The following PPP1R9A variants were observed in gnomAD, a reference collection of about 807,000 sequenced individuals.
PPP1R9A encodes protein phosphatase 1 regulatory subunit 9A.
Under a neutral mutation model 141.9 loss-of-function variants are expected in PPP1R9A, and 59 were observed. That is an observed-to-expected ratio of 0.42 (90% CI 0.34 to 0.52). The LOEUF is 0.52. Ranked by LOEUF, PPP1R9A falls within the 20% of genes least tolerant of loss-of-function variation. The pLI is 0.10. For synonymous variants in PPP1R9A, 500 were observed against 569.7 expected, an observed-to-expected ratio of 0.88 and a Z score of 1.74; for missense variants, 1,444 against 1,611.9, an observed-to-expected ratio of 0.90 and a Z score of 1.78.
chr7:95,262,833 A>G (rs1185473117), intron 12 of PPP1R9A, among the ~76,000 whole-genome samples: 1 of 152,240 alleles, frequency 6.6e-6, no homozygotes, highest in Non-Finnish European at 1.5e-5. Flanking sequence ...CTCATACAAC[A>G]AAAGTTCAGA....
At chr7:95,016,460 C>A (rs1305266390) in intron 2 of PPP1R9A, among the ~76,000 whole-genome samples, 7 of 151,930 alleles carry the variant, frequency 4.6e-5, no homozygotes, top group South Asian at 2.1e-4. Context: ...ATGCAAGAAT[C>A]TTAACAGAAT....
intron 12 of PPP1R9A, among the ~76,000 whole-genome samples, chr7:95,265,931 C>A (rs1585538871): frequency 6.6e-6 from 1 of 152,066 alleles, no homozygotes; most frequent in Non-Finnish European, 1.5e-5. Context: ...GCAGTTTGCA[C>A]CTAGTCAGCT....
intron 8 of PPP1R9A, among the ~76,000 whole-genome samples, chr7:95,238,974 A>C (rs1797083395): frequency 6.6e-6 from 1 of 152,032 alleles, no homozygotes; most frequent in Non-Finnish European, 1.5e-5. Context: ...AATTGGGGAA[A>C]CTTTTTAATT....
At chr7:95,115,439 C>T (rs1034096984) in intron 3 of PPP1R9A, among the ~76,000 whole-genome samples, 2 of 152,022 alleles carry the variant, frequency 1.3e-5, no homozygotes, top group South Asian at 2.1e-4. Context: ...TTAAAGAATG[C>T]ATAAAGCCAG....
chr7:95,187,938 C>T (rs909453965), intron 5 of PPP1R9A, among the ~76,000 whole-genome samples: 7 of 151,878 alleles, frequency 4.6e-5, no homozygotes, highest in African/African-American at 1.5e-4. Flanking sequence ...GGTCTATCTT[C>T]GAGAATTTTC....
chr7:95,229,428 G>A (rs938423041), intron 8 of PPP1R9A, among the ~76,000 whole-genome samples: 1 of 151,948 alleles, frequency 6.6e-6, no homozygotes, highest in Non-Finnish European at 1.5e-5. Context: ...TGGAGGGCAC[G>A]GTGGGAGTGA....
At chr7:95,161,321 TC>T (rs1161790813) in intron 4 of PPP1R9A, among the ~76,000 whole-genome samples, 2 of 152,196 alleles carry the variant, frequency 1.3e-5, no homozygotes, top group Non-Finnish European at 2.9e-5. Context: ...TTGTATGTCT[TC>T]TTTTGGGAAA....
At chr7:95,194,205 C>T (rs905550094) in intron 5 of PPP1R9A, among the ~76,000 whole-genome samples, 10 of 151,884 alleles carry the variant, frequency 6.6e-5, no homozygotes, top group East Asian at 1.9e-4. Context: ...TATCATTAGA[C>T]GTAATTTCTG....
chr7:95,002,610 T>C (rs1314851924), intron 2 of PPP1R9A, among the ~76,000 whole-genome samples: 1 of 152,070 alleles, frequency 6.6e-6, no homozygotes, highest in Non-Finnish European at 1.5e-5. Context: ...TTGAAAAATA[T>C]TACCTGGCCT....
intron 2 of PPP1R9A, among the ~76,000 whole-genome samples, chr7:94,942,971 A>G (rs901021037): frequency 1.1e-4 from 16 of 152,122 alleles, no homozygotes; most frequent in African/African-American, 2.7e-4. Flanking sequence ...TAAAAAATCA[A>G]TCTCATAACT....
intron 2 of PPP1R9A, among the ~76,000 whole-genome samples, chr7:95,099,850 A>G (rs532801893): frequency 1.8e-4 from 27 of 152,290 alleles, no homozygotes; most frequent in South Asian, 2.1e-4. Flanking sequence ...TTAACAACAC[A>G]TATTTGCCAA....
chr7:95,157,502 C>A (rs1829820110), intron 4 of PPP1R9A, among the ~76,000 whole-genome samples: 1 of 152,140 alleles, frequency 6.6e-6, no homozygotes, highest in African/African-American at 2.4e-5. Flanking sequence ...TCCCACCCCA[C>A]CTCAGAAGGA....
chr7:94,926,056 G>T (rs1793441628), intron 2 of PPP1R9A, among the ~76,000 whole-genome samples: 1 of 152,036 alleles, frequency 6.6e-6, no homozygotes, highest in Non-Finnish European at 1.5e-5. Flanking sequence ...TGGAACTCCT[G>T]GGCTCAAGCG....
intron 2 of PPP1R9A, among the ~76,000 whole-genome samples, chr7:95,015,840 A>G (rs1805026291): frequency 6.6e-6 from 1 of 152,076 alleles, no homozygotes. Context: ...ACTTGAGGCC[A>G]GGAGTTTAAT....
At chr7:95,130,106 G>A (rs1824314050) in intron 4 of PPP1R9A, among the ~76,000 whole-genome samples, 1 of 152,156 alleles carries the variant, frequency 6.6e-6, no homozygotes, top group Non-Finnish European at 1.5e-5. Context: ...TGTCTCCAGG[G>A]CATATCAGAG....
Position 94,910,664 on chromosome 7 carries a change from G to A in PPP1R9A, c.551G>A (p.Ser184Asn). ...EWGGSKSNRG[S>N]TDSLDSLSSR... ...GGAGGTTCCAAGTCCAACAGAGGCA[G>A]TACTGATTCCTTGGACAGCCTTAGC... The change falls in exon 2 of 20, where the codon AGT becomes AAT. Residue 184 changes from serine (S) to asparagine (N), a missense_variant. This residue lies in a region of PPP1R9A where 490 missense variants were observed against 521.1 expected (regional missense o/e 0.94). Coordinates refer to ENST00000433360, the MANE Select transcript of PPP1R9A (RefSeq NM_001166160.2). The surrounding 1 kb of genome is among the most constrained non-coding windows in gnomAD (Gnocchi z 4.5). The A allele has an allele frequency of 6.2e-7, 1 of 1,614,172 alleles. No homozygotes were observed. The highest frequency in any genetic ancestry group is 8.5e-7 in the Non-Finnish European group (1 of 1,180,024).
chr7:94,915,250 T>G (rs1024336233), intron 2 of PPP1R9A, among the ~76,000 whole-genome samples: 1 of 152,204 alleles, frequency 6.6e-6, no homozygotes, highest in African/African-American at 2.4e-5. Flanking sequence ...TCTTGTATTC[T>G]CTCCCTTTTT....
intron 4 of PPP1R9A, among the ~76,000 whole-genome samples, chr7:95,126,564 G>A (rs1056242025): frequency 6.6e-6 from 1 of 152,076 alleles, no homozygotes; most frequent in African/African-American, 2.4e-5. Context: ...GTATTTCCAG[G>A]GGAAACAGGC....
At chr7:95,215,449 T>A (rs1201351040) in intron 7 of PPP1R9A, among the ~76,000 whole-genome samples, 3 of 152,148 alleles carry the variant, frequency 2.0e-5, no homozygotes, top group African/African-American at 7.2e-5. Context: ...CATGTGTCTT[T>A]ATAGCAGCAT....
Sources: gnomAD v4.1 joint callset for allele counts (sites outside exome capture counted in the v4.1 genomes callset) on GRCh38, gnomAD v4.1.1 for gene constraint, gnomAD v4.1.1 regional missense constraint, Gnocchi (gnomAD v3.1) non-coding constraint, MANE v1.5 for transcripts, NCBI Gene and HGNC (gene_info 2026-07-23, HGNC 2026-07-21) for gene names.